Variants in RAP2A observed in about 807,000 individuals in gnomAD.
The protein encoded by RAP2A is ras-related protein Rap-2a.
Under a neutral mutation model 15.1 loss-of-function variants are expected in RAP2A, and 5 were observed. The observed-to-expected ratio is 0.33, with a 90% CI of 0.17 to 0.70. The LOEUF (loss-of-function observed/expected upper bound fraction) is 0.70. Ranked by LOEUF, RAP2A falls within the 30% of genes least tolerant of loss-of-function variation. The pLI is 0.68. For missense variants in RAP2A, 111 were observed against 240.3 expected (o/e 0.46, Z 3.56); for synonymous variants, 110 against 99.7 (o/e 1.10, Z -0.62).
intron 1 of RAP2A, among the ~76,000 whole-genome samples, chr13:97,453,935 T>G (rs2066712414): frequency 6.6e-6 from 1 of 151,426 alleles, no homozygotes; most frequent in Non-Finnish European, 1.5e-5. Flanking sequence ...TTATTTGCCA[T>G]CTACATCCTC....
intron 1 of RAP2A, among the ~76,000 whole-genome samples, chr13:97,460,880 C>T (rs1448596297): frequency 6.6e-6 from 1 of 152,174 alleles, no homozygotes; most frequent in Non-Finnish European, 1.5e-5. Flanking sequence ...TTGTTTTTGA[C>T]TCCCATCTTT....
rs2066763719 is a variant in RAP2A, at chr13:97,464,822, T to C, written c.*380T>C. 1 of 171,598 alleles carries C rather than the reference T, an allele frequency of 5.8e-6. No individual in the cohort carries two copies. The highest frequency in any genetic ancestry group is 1.2e-5 in the Non-Finnish European group (1 of 80,848). The allele number at this position is 171,598 out of a possible 1,614,324, so 10.6% of individuals were successfully genotyped here. ...CCTCTGACCACTTACAATTAAAATA[T>C]TTTGTCTTCTTTAAAAAAATAAGTA... On this transcript the variant is annotated 3_prime_UTR_variant, in exon 2 of 2. Coordinates refer to ENST00000245304, the MANE Select transcript of RAP2A (RefSeq NM_021033.7).
At chr13:97,445,159 A>G (rs2066674499) in intron 1 of RAP2A, among the ~76,000 whole-genome samples, 1 of 152,202 alleles carries the variant, frequency 6.6e-6, no homozygotes, top group Non-Finnish European at 1.5e-5. Context: ...AAATTTCAAC[A>G]TATGAATTTT....
chr13:97,461,651 A>G (rs2066746299), intron 1 of RAP2A, among the ~76,000 whole-genome samples: 1 of 152,172 alleles, frequency 6.6e-6, no homozygotes, highest in African/African-American at 2.4e-5. Flanking sequence ...CTAAAAGTGT[A>G]AGAAATATTT....
At chr13:97,462,008 ATATT>A (rs1250055304) in intron 1 of RAP2A, among the ~76,000 whole-genome samples, 1 of 145,418 alleles carries the variant, frequency 6.9e-6, no homozygotes. Flanking sequence ...TTATATTTAT[ATATT>A]TATATAGATA....
At chr13:97,459,586 G>C (rs2066738062) in intron 1 of RAP2A, among the ~76,000 whole-genome samples, 1 of 152,194 alleles carries the variant, frequency 6.6e-6, no homozygotes, top group African/African-American at 2.4e-5. Flanking sequence ...CGCCGGCTCA[G>C]GCATTGTCTA....
intron 1 of RAP2A, among the ~76,000 whole-genome samples, chr13:97,452,262 T>G (rs916257110): frequency 6.6e-6 from 1 of 151,340 alleles, no homozygotes; most frequent in African/African-American, 2.4e-5. Context: ...ATAACCTAAC[T>G]TTAGTTTCTA....
At chr13:97,447,058 T>C (rs1195339144) in intron 1 of RAP2A, among the ~76,000 whole-genome samples, 1 of 151,740 alleles carries the variant, frequency 6.6e-6, no homozygotes, top group Non-Finnish European at 1.5e-5. Context: ...TCCTTTTGGT[T>C]TCTTTGTGAA....
chr13:97,449,494 C>T (rs1001463414), intron 1 of RAP2A, among the ~76,000 whole-genome samples: 2 of 152,158 alleles, frequency 1.3e-5, no homozygotes, highest in African/African-American at 4.8e-5. Context: ...GTTGCGGCCT[C>T]TCATTACACC....
At position 97,467,927 on chromosome 13, in the gene RAP2A, C is replaced by T. The variant is rs545790074; in HGVS notation, c.*3485C>T. The T allele has an allele frequency of 2.0e-5, 3 of 152,614 alleles. No individual in the cohort carries two copies. The highest frequency in any genetic ancestry group is 7.2e-5 in the African/African-American group (3 of 41,520). The allele number at this position is 152,614 out of a possible 1,614,324, so 9.5% of individuals were successfully genotyped here. On this transcript the variant is annotated 3_prime_UTR_variant, in exon 2 of 2. Coordinates refer to ENST00000245304, the MANE Select transcript of RAP2A (RefSeq NM_021033.7). ...TAAAACATGAATTGTAGTTATAACT[C>T]AATGCAAATTCAACAGTTGTATTTG...
chr13:97,461,101 C>T (rs2066744445), intron 1 of RAP2A, among the ~76,000 whole-genome samples: 1 of 152,114 alleles, frequency 6.6e-6, no homozygotes, highest in South Asian at 2.1e-4. Context: ...TTTACAGCAA[C>T]CCTGTGTTAA....
Position 97,464,448 on chromosome 13 carries a change from A to G in RAP2A, c.*6A>G. 6.2e-7 allele frequency: 1 copy of G among 1,612,582 alleles called. No individual in the cohort carries two copies. ...CTGCATGTAACATACAATAGCATCC[A>G]AATATGGCTGTCCTGGATGGGATTT... On this transcript the variant is annotated 3_prime_UTR_variant, in exon 2 of 2. Transcript: ENST00000245304.
chr13:97,461,363 G>A (rs2066745251), intron 1 of RAP2A, among the ~76,000 whole-genome samples: 1 of 152,054 alleles, frequency 6.6e-6, no homozygotes, highest in Non-Finnish European at 1.5e-5. Context: ...TTTCTCTAGT[G>A]TCTTTAGAAA....
chr13:97,434,421 C>T lies in RAP2A; in HGVS notation c.-50C>T, dbSNP rs753821283. ...GGGGCTGGGGGCGCAGCGCGGCCGG[C>T]GTAGGTCTATGTCGCGGGCGGCGGC... On this transcript the variant is annotated 5_prime_UTR_variant, in exon 1 of 2. Transcript: ENST00000245304. The T allele has an allele frequency of 6.9e-7, 1 of 1,453,608 alleles. No individual in the cohort carries two copies. The highest frequency in any genetic ancestry group is 9.1e-7 in the Non-Finnish European group (1 of 1,096,868). 90.0% of individuals were successfully genotyped at this position (1,453,608 alleles called of 1,614,324 possible). A position where few individuals can be genotyped will look rare whatever the true frequency, so the allele number is the denominator to read the frequency against.
chr13:97,454,679 A>C (rs925599076), intron 1 of RAP2A, among the ~76,000 whole-genome samples: 1 of 151,490 alleles, frequency 6.6e-6, no homozygotes, highest in African/African-American at 2.4e-5. Context: ...TGAGGAAAAA[A>C]TAATCTTATA....
chr13:97,466,298 T>C lies in RAP2A; in HGVS notation c.*1856T>C, dbSNP rs1218727684. ...AACCAGGCCATAGCTGTCATAAATC[T>C]TTGACTTTTGAATATTTACATTCTT... On this transcript the variant is annotated 3_prime_UTR_variant, in exon 2 of 2. Coordinates refer to ENST00000245304, the MANE Select transcript of RAP2A (RefSeq NM_021033.7). 6.6e-6 allele frequency: 1 copy of C among 152,144 alleles called. No homozygotes were observed. The highest frequency in any genetic ancestry group is 1.5e-5 in the Non-Finnish European group (1 of 68,014). 9.4% of individuals were successfully genotyped at this position (152,144 alleles called of 1,614,324 possible). A position where few individuals can be genotyped will look rare whatever the true frequency, so the allele number is the denominator to read the frequency against.
At chr13:97,447,996 T>C (rs1457221145) in intron 1 of RAP2A, among the ~76,000 whole-genome samples, 2 of 152,110 alleles carry the variant, frequency 1.3e-5, no homozygotes, top group Non-Finnish European at 2.9e-5. Context: ...CTTTTTTCTT[T>C]TTTTATTAAC....
intron 1 of RAP2A, among the ~76,000 whole-genome samples, chr13:97,449,476 G>A (rs776869394): frequency 5.2e-4 from 79 of 152,154 alleles, no homozygotes; most frequent in Non-Finnish European, 1.1e-3. Context: ...TACTGGACTA[G>A]ACCTGTTGTT....
At chr13:97,437,223 G>A (rs2066637826) in intron 1 of RAP2A, 1 of 151,956 alleles carries the variant, frequency 6.6e-6, no homozygotes, top group African/African-American at 2.4e-5. Context: ...TTATTAATAA[G>A]GTACTTTACT....
Sources: gnomAD v4.1 joint callset for allele counts (sites outside exome capture counted in the v4.1 genomes callset) on GRCh38, gnomAD v4.1.1 for gene constraint, MANE v1.5 for transcripts, NCBI Gene and HGNC (gene_info 2026-07-23, HGNC 2026-07-21) for gene names.